The following DLX6 variants were observed in gnomAD, a reference collection of about 807,000 sequenced individuals.
The protein encoded by DLX6 is homeobox protein DLX-6.
DLX6 carries 4 observed loss-of-function variants against 33.5 expected under a neutral mutation model. That is an observed-to-expected ratio of 0.12 (90% CI 0.06 to 0.27). DLX6 has a LOEUF of 0.27. Among genes scored for constraint, DLX6 ranks in the 10% least tolerant of loss-of-function variants. The probability of loss-of-function intolerance (pLI) is 1.00; values close to 1 mark genes in which losing one functional copy is unlikely to be tolerated. For synonymous variants in DLX6, 184 were observed against 164.8 expected (o/e 1.12, Z -0.89); for missense variants, 382 against 393.3 (o/e 0.97, Z 0.24).
Position 97,009,126 on chromosome 7 carries a change from A to T in DLX6, c.631-670A>T, listed in dbSNP as rs1789794509. Among the ~76,000 whole-genome samples the T allele has an allele frequency of 2.0e-5, 3 of 152,248 alleles. No homozygotes were observed. The South Asian group carries it at 6.2e-4, about 32-fold the overall frequency. On this transcript the variant is annotated intron_variant, in intron 2 of 2. Coordinates refer to ENST00000518156, the MANE Select transcript of DLX6 (RefSeq NM_005222.4). Reference sequence around the variant, plus strand: ...GACTAGGCAACATACAAAATAGGGAATGAAGGAGCTGCAGTCCTTAATCCC... The same window carrying T: ...GACTAGGCAACATACAAAATAGGGATTGAAGGAGCTGCAGTCCTTAATCCC...
At chr7:97,008,330 A>G (rs528167283) in intron 2 of DLX6, among the ~76,000 whole-genome samples, 5 of 152,350 alleles carry the variant, frequency 3.3e-5, no homozygotes, top group Middle Eastern at 3.4e-3. Flanking sequence ...TAAAGGCTCC[A>G]AAGTGCAATC....
Position 97,010,208 on chromosome 7 carries a change from C to CT in DLX6, c.*161_*162insT. ...ATTCTCTCTCCCTCTCTCTCTCTCT[C>CT]CCTCTCCTTTCTTTTTACTTCTTCC... On this transcript the variant is annotated 3_prime_UTR_variant, in exon 3 of 3. Transcript: ENST00000518156. 1 of 708,736 alleles carries CT rather than the reference C, an allele frequency of 1.4e-6. No individual in the cohort carries two copies. The highest frequency in any genetic ancestry group is 2.2e-6 in the Non-Finnish European group (1 of 454,250). The allele number at this position is 708,736 out of a possible 1,614,324, so 43.9% of individuals were successfully genotyped here.
At chr7:97,009,418 C>T (rs1451081284) in intron 2 of DLX6, among the ~76,000 whole-genome samples, 2 of 152,250 alleles carry the variant, frequency 1.3e-5, no homozygotes, top group African/African-American at 2.4e-5. Context: ...AATGACAAGA[C>T]TTTCAGAGGA....
rs1420733688 is a variant in DLX6, at chr7:97,006,209, G to A, written c.232G>A (p.Ala78Thr). 2.7e-6 allele frequency: 4 copies of A among 1,508,844 alleles called. No individual in the cohort carries two copies. Among genetic ancestry groups the A allele is most frequent in the African/African-American group, 2.9e-5 (2 of 70,118 alleles). 93.5% of individuals were successfully genotyped at this position (1,508,844 alleles called of 1,614,324 possible). The change falls in exon 1 of 3, where the codon GCG becomes ACG. Residue 78 changes from alanine (A) to threonine (T), a missense_variant. By Grantham distance (58) the Ala-to-Thr change is moderately conservative (BLOSUM62 0). Around this residue, in one of 4 missense-constraint regions of DLX6, gnomAD observed 257 missense variants for 206.9 expected, o/e 1.24. Transcript: ENST00000518156. ...CCCTCTGCACTGCCTGCACTCGGCG[G>A]CGGCGGCGGCAGCGGCCGGCTCGCA... ...HYPLHCLHSAAAAAAAGSHHH... is the reference protein window; with the variant it reads ...HYPLHCLHSATAAAAAGSHHH...
chr7:97,010,236 T>C lies in DLX6; in HGVS notation c.*189T>C. 1.7e-6 allele frequency: 1 copy of C among 577,276 alleles called. No homozygotes were observed. The highest frequency in any genetic ancestry group is 2.9e-5 in the East Asian group (1 of 34,302). The allele number at this position is 577,276 out of a possible 1,614,324, so 35.8% of individuals were successfully genotyped here. Reference sequence around the variant, plus strand: ...TCTCCTTTCTTTTTACTTCTTCCTTTCCTCCATTCCTTCTTTCTTTCCTTT... The same window carrying C: ...TCTCCTTTCTTTTTACTTCTTCCTTCCCTCCATTCCTTCTTTCTTTCCTTT... On this transcript the variant is annotated 3_prime_UTR_variant, in exon 3 of 3. Transcript: ENST00000518156.
rs191859647 is a variant in DLX6 at position 97,006,070 on chromosome 7, G to A, written c.93G>A (p.Gln31=). The A allele has an allele frequency of 6.4e-6, 10 of 1,570,294 alleles. No homozygotes were observed. Among genetic ancestry groups the A allele is most frequent in the East Asian group, 4.8e-5 (2 of 42,078 alleles). The part of the protein sequence containing the change: ...FMEFGQQQQQ[Q]QQQQQQQQQQ... ...AGTTCGGGCAGCAGCAGCAGCAGCA[G>A]CAGCAACAGCAGCAGCAGCAGCAGC... The change falls in exon 1 of 3, where the codon CAG becomes CAA. Residue 31 remains glutamine (Q), a synonymous_variant. Transcript: ENST00000518156.
chr7:97,007,863 A>G (rs1275113207), intron 2 of DLX6, 32 bp downstream of exon 2: 2 of 1,536,524 alleles, frequency 1.3e-6, no homozygotes, highest in Admixed American at 2.0e-5. Flanking sequence ...TATCCCTGAA[A>G]TGCTGGTACC....
rs766013817 is a variant in DLX6 at position 97,006,021 on chromosome 7, A to C, written c.44A>C (p.Asp15Ala). ...ATGGCTGACGGCTTGGAAGGCCAGG[A>C]CTCGTCCAAATCCGCCTTCATGGAG... The part of the protein sequence containing the change: ...TTMADGLEGQ[D>A]SSKSAFMEFG... The change falls in exon 1 of 3, where the codon GAC (aspartate) becomes GCC (alanine). Residue 15 changes from aspartate (D) to alanine (A), a missense_variant. Coordinates refer to ENST00000518156, the MANE Select transcript of DLX6 (RefSeq NM_005222.4). 6.3e-6 allele frequency: 10 copies of C among 1,598,326 alleles called. No homozygotes were observed. In the Admixed American group the frequency reaches 1.7e-4, roughly 27 times the overall value.
chr7:97,006,327 C>A lies in DLX6; in HGVS notation c.350C>A (p.Pro117His). The A allele has an allele frequency of 6.6e-7, 1 of 1,515,218 alleles. No individual in the cohort carries two copies. Among genetic ancestry groups the A allele is most frequent in the Non-Finnish European group, 8.9e-7 (1 of 1,128,446 alleles). The allele number at this position is 1,515,218 out of a possible 1,614,324, so 93.9% of individuals were successfully genotyped here. A position where few individuals can be genotyped will look rare whatever the true frequency, so the allele number is the denominator to read the frequency against. The change falls in exon 1 of 3, where the codon CCC becomes CAC. Residue 117 changes from proline (P) to histidine (H), a missense_variant. Physicochemically the swap from Pro to His is moderately conservative, Grantham distance 77 (BLOSUM62 -2). Coordinates refer to ENST00000518156, the MANE Select transcript of DLX6 (RefSeq NM_005222.4). Reference sequence around the variant, plus strand: ...AACCACCGCTCGCTCGCCGCCTACCCCTACATGAGCCACTCGCAGCACAGC... The same window carrying A: ...AACCACCGCTCGCTCGCCGCCTACCACTACATGAGCCACTCGCAGCACAGC... ...SYNHRSLAAY[P>H]YMSHSQHSPY...
chr7:97,009,380 T>C (rs1449619960), intron 2 of DLX6, among the ~76,000 whole-genome samples: 1 of 152,234 alleles, frequency 6.6e-6, no homozygotes, highest in Non-Finnish European at 1.5e-5. Context: ...TTACATAGAC[T>C]AAATTTACAT....
intron 1 of DLX6, 51 bp downstream of exon 1, chr7:97,006,464 A>AC: frequency 8.0e-7 from 1 of 1,246,922 alleles, no homozygotes; most frequent in Non-Finnish European, 1.0e-6. Context: ...ACTGCCCCCT[A>AC]CCCCGCCCGC....
Position 97,009,850 on chromosome 7 carries a change from G to T in DLX6, c.685G>T (p.Gly229Cys). The stretch of plus-strand genomic sequence containing the variant: ...TAAGTTTAAGAAACTGCTGAAGCAG[G>T]GCAGTAATCCTCATGAGAGCGACCC... ...RSKFKKLLKQ[G>C]SNPHESDPLQ... Residue 229 changes from glycine to cysteine, a missense_variant, in exon 3 of 3, where the codon GGC becomes TGC. Transcript: ENST00000518156. The T allele has an allele frequency of 1.2e-6, 2 of 1,614,008 alleles. No homozygotes were observed. The highest frequency in any genetic ancestry group is 2.2e-5 in the South Asian group (2 of 91,074).
chr7:97,007,669 G>C lies in DLX6; in HGVS notation c.468G>C (p.Gly156=). Residue 156 remains glycine, a synonymous_variant, in exon 2 of 3, where the codon GGG becomes GGC. Coordinates refer to ENST00000518156, the MANE Select transcript of DLX6 (RefSeq NM_005222.4). ...DQQKTTVIEN[G]EIRFNGKGKK... is the part of the protein sequence containing the mutation. Reference sequence around the variant, plus strand: ...AAAAAACTACAGTGATTGAAAACGGGGAAATCAGGTTCAATGGAAAAGGGA... The same window carrying C: ...AAAAAACTACAGTGATTGAAAACGGCGAAATCAGGTTCAATGGAAAAGGGA... 6.2e-7 allele frequency: 1 copy of C among 1,612,438 alleles called. No homozygotes were observed. Among genetic ancestry groups the C allele is most frequent in the Non-Finnish European group, 8.5e-7 (1 of 1,179,206 alleles).
Position 97,008,762 on chromosome 7 carries a change from T to C in DLX6, c.630+931T>C, listed in dbSNP as rs534772957. Among the ~76,000 whole-genome samples the C allele has an allele frequency of 2.0e-4, 30 of 152,316 alleles. No individual in the cohort carries two copies. In the South Asian group the frequency reaches 6.2e-3, roughly 32 times the overall value. On this transcript the variant is annotated intron_variant, in intron 2 of 2. Transcript: ENST00000518156. ...TTATGAGACTGTTGCTGCAGACTGA[T>C]TGTGTGTTGACTTAAGACAGTTGTT...
intron 2 of DLX6, among the ~76,000 whole-genome samples, chr7:97,008,342 A>G (rs754426738): frequency 1.9e-4 from 29 of 152,204 alleles, no homozygotes; most frequent in Non-Finnish European, 1.3e-4. Context: ...AGTGCAATCT[A>G]TTTATCCTAG....
intron 1 of DLX6, 73 bp downstream of exon 1, chr7:97,006,486 C>G (rs978969500): frequency 8.9e-5 from 110 of 1,238,250 alleles, no homozygotes; most frequent in Non-Finnish European, 1.0e-4. Context: ...CGCTCACTTC[C>G]TCGACGCCCG....
chr7:97,010,376 A>G lies in DLX6; in HGVS notation c.*329A>G. 4.0e-6 allele frequency: 1 copy of G among 248,262 alleles called. No individual in the cohort carries two copies. The highest frequency in any genetic ancestry group is 7.8e-6 in the Non-Finnish European group (1 of 128,992). 15.4% of individuals were successfully genotyped at this position (248,262 alleles called of 1,614,324 possible). A position where few individuals can be genotyped will look rare whatever the true frequency, so the allele number is the denominator to read the frequency against. On this transcript the variant is annotated 3_prime_UTR_variant, in exon 3 of 3. Transcript: ENST00000518156. ...CAGAGAGAGAGAAAGAGCATGTGTG[A>G]GAGAGAAACTGGTTTCTATGCCAGC...
rs1290592983 is a variant in DLX6, at chr7:97,006,141, C to T, written c.164C>T (p.Pro55Leu). The change falls in exon 1 of 3, where the codon CCG becomes CTG. Residue 55 changes from proline to leucine, a missense_variant. By Grantham distance (98) the Pro-to-Leu change is moderately conservative (BLOSUM62 -3). Coordinates refer to ENST00000518156, the MANE Select transcript of DLX6 (RefSeq NM_005222.4). The part of the protein sequence containing the change: ...PPPPPPPPPQ[P>L]HSQQSSPAMA... The stretch of plus-strand genomic sequence containing the variant: ...CCGCCGCCGCCGCCGCCGCCGCAGC[C>T]GCACTCGCAGCAGAGCTCCCCGGCC... 2.0e-6 allele frequency: 3 copies of T among 1,483,978 alleles called. No individual in the cohort carries two copies. The highest frequency in any genetic ancestry group is 2.8e-6 in the Non-Finnish European group (3 of 1,088,640). The allele number at this position is 1,483,978 out of a possible 1,614,324, so 91.9% of individuals were successfully genotyped here. A position where few individuals can be genotyped will look rare whatever the true frequency, so the allele number is the denominator to read the frequency against.
intron 1 of DLX6, 152 bp downstream of exon 1, chr7:97,006,565 G>T (rs1306840383): frequency 5.8e-6 from 4 of 692,930 alleles, no homozygotes; most frequent in Non-Finnish European, 7.6e-6. Context: ...GCGCCCGCTC[G>T]CCTGGCGCCT....
Sources: allele counts gnomAD v4.1 joint callset (sites outside exome capture counted in the v4.1 genomes callset), GRCh38; gene constraint gnomAD v4.1.1; regional missense constraint gnomAD v4.1.1; transcripts MANE v1.5; gene names NCBI Gene and HGNC (gene_info 2026-07-23, HGNC 2026-07-21).